The following EYS variants were observed in gnomAD, a reference collection of about 807,000 sequenced individuals.
The protein encoded by EYS is EGF-like photoreceptor maintenance factor.
A neutral mutation model predicts 282.1 loss-of-function variants in EYS; 250 were observed. The ratio of observed to expected loss-of-function variants is 0.89; its 90% CI spans 0.80 to 0.98. EYS has a LOEUF of 0.98. EYS is among the 50% of genes least tolerant of loss of function. The pLI is 0.00. For missense variants in EYS, 4,016 were observed against 3,709.0 expected (o/e 1.08, Z -2.15); for synonymous variants, 1,355 against 1,282.9 (o/e 1.06, Z -1.20).
At chr6:64,461,343 G>A (rs1775738249) in intron 26 of EYS, among the ~76,000 whole-genome samples, 1 of 152,072 alleles carries the variant, frequency 6.6e-6, no homozygotes, top group African/African-American at 2.4e-5. Context: ...ATTATATTGT[G>A]GAGAAAGGAA....
intron 35 of EYS, among the ~76,000 whole-genome samples, chr6:63,873,326 A>G (rs878957303): frequency 8.5e-5 from 13 of 152,182 alleles, no homozygotes; most frequent in South Asian, 2.1e-4. Flanking sequence ...TACAAAGGAC[A>G]TGAACTCATC....
chr6:64,279,466 T>G (rs951747618), intron 30 of EYS, among the ~76,000 whole-genome samples: 1 of 152,152 alleles, frequency 6.6e-6, no homozygotes, highest in East Asian at 1.9e-4. Flanking sequence ...CTACTTCCCA[T>G]ACCTCTCTAG....
At chr6:65,027,097 C>A (rs1202052151) in intron 13 of EYS, among the ~76,000 whole-genome samples, 11 of 151,532 alleles carry the variant, frequency 7.3e-5, no homozygotes, top group African/African-American at 2.7e-4. Flanking sequence ...TCTACTTTTA[C>A]ATGTAAAGTA....
chr6:65,425,464 T>C (rs996136571), intron 5 of EYS, among the ~76,000 whole-genome samples: 3 of 152,132 alleles, frequency 2.0e-5, no homozygotes, highest in African/African-American at 7.2e-5. Flanking sequence ...TAGACTCAGA[T>C]TGCAAAGAGG....
chr6:63,872,478 T>TTTTG (rs1554183563), intron 35 of EYS, among the ~76,000 whole-genome samples: 2 of 910 alleles, frequency 2.2e-3, no homozygotes, highest in African/African-American at 5.0e-3. Context: ...CTAAATATGG[T>TTTTG]TTTTTTTTTT....
chr6:64,873,227 G>A (rs1032337823), intron 19 of EYS, among the ~76,000 whole-genome samples: 2 of 152,006 alleles, frequency 1.3e-5, no homozygotes, highest in Non-Finnish European at 2.9e-5. Context: ...GCTTGTGCAG[G>A]GAAACTCCCA....
chr6:64,614,941 A>C (rs1218049717), intron 24 of EYS, among the ~76,000 whole-genome samples: 1 of 152,134 alleles, frequency 6.6e-6, no homozygotes, highest in African/African-American at 2.4e-5. Context: ...GAATACTGCA[A>C]CGTCCAGTGT....
At chr6:64,608,014 C>T (rs1019963472) in intron 24 of EYS, among the ~76,000 whole-genome samples, 10 of 152,112 alleles carry the variant, frequency 6.6e-5, no homozygotes, top group South Asian at 4.1e-4. Context: ...TAAATAATAA[C>T]GTTTTAATGG....
chr6:64,835,002 T>G (rs1419169680), intron 19 of EYS, among the ~76,000 whole-genome samples: 5 of 151,832 alleles, frequency 3.3e-5, no homozygotes, highest in South Asian at 2.1e-4. Flanking sequence ...GCCCAATGTG[T>G]GTTATGCAGA....
chr6:64,190,697 G>A (rs187193558), intron 31 of EYS, among the ~76,000 whole-genome samples: 3 of 152,216 alleles, frequency 2.0e-5, no homozygotes, highest in Non-Finnish European at 4.4e-5. Flanking sequence ...GGCTCCCACT[G>A]CAATTTTCTC....
intron 15 of EYS, among the ~76,000 whole-genome samples, chr6:64,915,043 G>A (rs1180056363): frequency 1.3e-5 from 2 of 151,834 alleles, no homozygotes; most frequent in African/African-American, 4.8e-5. Flanking sequence ...GGAGAGACTT[G>A]GTTCAGTTTG....
At chr6:64,707,644 G>A (rs1233780683) in intron 22 of EYS, among the ~76,000 whole-genome samples, 2 of 139,474 alleles carry the variant, frequency 1.4e-5, no homozygotes, top group Non-Finnish European at 3.1e-5. Flanking sequence ...CAGCCGGGGC[G>A]ACAGAGTGAG....
chr6:64,926,138 A>C (rs185320323), intron 15 of EYS, among the ~76,000 whole-genome samples: 1 of 152,276 alleles, frequency 6.6e-6, no homozygotes, highest in Non-Finnish European at 1.5e-5. Flanking sequence ...GACCTATCCC[A>C]GGCCACAAAA....
intron 26 of EYS, among the ~76,000 whole-genome samples, chr6:64,441,405 A>C (rs1213584319): frequency 6.6e-6 from 1 of 152,212 alleles, no homozygotes; most frequent in Non-Finnish European, 1.5e-5. Context: ...TTGCAATTTT[A>C]AACAAACAAG....
chr6:64,855,553 T>C (rs1443321343), intron 19 of EYS, among the ~76,000 whole-genome samples: 2 of 152,178 alleles, frequency 1.3e-5, no homozygotes. Context: ...ATTTCCCCTA[T>C]ACATATTTTC....
chr6:64,688,061 G>A (rs1471701184), intron 22 of EYS, among the ~76,000 whole-genome samples: 23 of 151,700 alleles, frequency 1.5e-4, no homozygotes, highest in Admixed American at 1.4e-3. Flanking sequence ...CTGTGGGATC[G>A]GTGGTGGTAT....
At chr6:65,654,630 G>A (rs183125005) in intron 1 of EYS, among the ~76,000 whole-genome samples, 2 of 151,800 alleles carry the variant, frequency 1.3e-5, no homozygotes, top group East Asian at 3.9e-4. Flanking sequence ...AAAGGTTACA[G>A]AGACATCCCT....
chr6:64,481,625 C>T (rs1776441157), intron 26 of EYS, among the ~76,000 whole-genome samples: 1 of 151,138 alleles, frequency 6.6e-6, no homozygotes, highest in African/African-American at 2.4e-5. Flanking sequence ...GAATGTTAGT[C>T]CTGAAACAAA....
At chr6:64,490,609 G>A (rs1266189596) in intron 26 of EYS, among the ~76,000 whole-genome samples, 1 of 150,714 alleles carries the variant, frequency 6.6e-6, no homozygotes, top group Non-Finnish European at 1.5e-5. Flanking sequence ...AGATTACAAG[G>A]AATAATAATA....
Sources: allele counts gnomAD v4.1 joint callset (sites outside exome capture counted in the v4.1 genomes callset), GRCh38; gene constraint gnomAD v4.1.1; transcripts MANE v1.5; gene names NCBI Gene and HGNC (gene_info 2026-07-23, HGNC 2026-07-21).